INSL6: variants seen among roughly 807,000 people sequenced by gnomAD.
The protein encoded by INSL6 is insulin-like peptide INSL6.
In INSL6, 16 loss-of-function variants were observed where a neutral mutation model predicts 9.4. That is an observed-to-expected ratio of 1.70 (90% confidence interval 1.15 to 2.59). The LOEUF (loss-of-function observed/expected upper bound fraction) is 2.59. INSL6 is among the 30% of genes most tolerant of loss of function. INSL6 has a pLI of 0.00. For synonymous variants in INSL6, 154 were observed against 96.9 expected, an observed-to-expected ratio of 1.59 and a Z score of -3.46; for missense variants, 391 against 257.3, an observed-to-expected ratio of 1.52 and a Z score of -3.56.
chr9:5,078,329 G>C, the INSL6 span: 2 of 1,612,252 alleles, frequency 1.2e-6, no homozygotes, highest in Non-Finnish European at 1.7e-6. Flanking sequence ...TTATTCATGG[G>C]AATGTATGTG....
At chr9:5,128,120 GTT>G (rs1057515599) in intron 3 of INSL6, 2 of 203,640 alleles carry the variant, frequency 9.8e-6, no homozygotes, top group Non-Finnish European at 1.9e-5. Flanking sequence ...GTGTGTGTGT[GTT>G]ATTTATACAA....
chr9:5,024,243 G>A, the INSL6 span, among the ~76,000 whole-genome samples: 7 of 151,996 alleles, frequency 4.6e-5, no homozygotes, highest in Non-Finnish European at 7.4e-5. Flanking sequence ...GCGACAGAGC[G>A]AGACTCCATC....
the INSL6 span, among the ~76,000 whole-genome samples, chr9:5,053,170 A>G: frequency 1.3e-5 from 2 of 151,936 alleles, no homozygotes; most frequent in Non-Finnish European, 2.9e-5. Context: ...TATCCATCCT[A>G]GTGGGTGGAA....
intron 1 of INSL6, among the ~76,000 whole-genome samples, chr9:5,170,113 C>G (rs148015429): frequency 1.3e-5 from 2 of 152,244 alleles, no homozygotes; most frequent in East Asian, 3.9e-4. Context: ...TAAAACACTC[C>G]TCAGCAAATG....
intron 3 of INSL6, chr9:5,127,367 AAGC>A: frequency 4.3e-6 from 1 of 232,096 alleles, no homozygotes; most frequent in Non-Finnish European, 8.6e-6. Flanking sequence ...CCAGCATTAT[AAGC>A]AGGTGTATAC....
the INSL6 span, among the ~76,000 whole-genome samples, chr9:5,083,409 C>A: frequency 6.6e-6 from 1 of 152,156 alleles, no homozygotes; most frequent in Non-Finnish European, 1.5e-5. Context: ...CTAGTAAGTA[C>A]CATGTTAGTG....
At chr9:5,183,711 A>G (rs1825507240) in intron 1 of INSL6, among the ~76,000 whole-genome samples, 1 of 152,180 alleles carries the variant, frequency 6.6e-6, no homozygotes, top group Non-Finnish European at 1.5e-5. Flanking sequence ...CCCAACATAA[A>G]GCAGAAAGGG....
At chr9:5,064,036 A>G in the INSL6 span, among the ~76,000 whole-genome samples, 13 of 152,190 alleles carry the variant, frequency 8.5e-5, no homozygotes, top group South Asian at 1.9e-3. Context: ...TGTGCCTGTA[A>G]TCCCAGCTTT....
downstream of INSL6, among the ~76,000 whole-genome samples, chr9:5,119,161 C>G (rs1193885756): frequency 6.6e-6 from 1 of 152,064 alleles, no homozygotes; most frequent in Non-Finnish European, 1.5e-5. Context: ...TTCATACAAC[C>G]CATTTGGTAA....
At chr9:4,995,486 A>G in the INSL6 span, among the ~76,000 whole-genome samples, 275 of 152,330 alleles carry the variant, frequency 1.8e-3, 1 homozygote, top group African/African-American at 6.4e-3. Context: ...ATGGTTGTCC[A>G]GTTTCAATAC....
the INSL6 span, among the ~76,000 whole-genome samples, chr9:5,072,979 C>G: frequency 6.6e-6 from 1 of 152,064 alleles, no homozygotes; most frequent in Non-Finnish European, 1.5e-5. Context: ...AACCAAGTTT[C>G]AAAGGCACTG....
chr9:5,114,983 C>G, the INSL6 span, among the ~76,000 whole-genome samples: 1 of 152,138 alleles, frequency 6.6e-6, no homozygotes. Flanking sequence ...AAAACCTAGG[C>G]AATACCATTC....
At chr9:5,037,317 G>C in the INSL6 span, among the ~76,000 whole-genome samples, 1 of 152,244 alleles carries the variant, frequency 6.6e-6, no homozygotes, top group East Asian at 1.9e-4. Context: ...CAGGGATCTA[G>C]AACTAGAAAT....
the INSL6 span, among the ~76,000 whole-genome samples, chr9:5,035,279 T>C: frequency 6.6e-6 from 1 of 152,320 alleles, no homozygotes; most frequent in East Asian, 1.9e-4. Context: ...ACCAGATGGA[T>C]TCACAGCTGA....
chr9:5,084,400 C>G, the INSL6 span, among the ~76,000 whole-genome samples: 2 of 152,098 alleles, frequency 1.3e-5, no homozygotes, highest in African/African-American at 4.8e-5. Flanking sequence ...TGCATGTCAC[C>G]TTTCCATTTT....
At chr9:5,175,604 G>C (rs184617012) in intron 1 of INSL6, among the ~76,000 whole-genome samples, 23 of 152,224 alleles carry the variant, frequency 1.5e-4, no homozygotes, top group African/African-American at 3.4e-4. Context: ...GTGGGCAGGC[G>C]AGCGAGCAAA....
At chr9:5,061,744 T>C in the INSL6 span, among the ~76,000 whole-genome samples, 2 of 152,248 alleles carry the variant, frequency 1.3e-5, no homozygotes, top group Admixed American at 6.5e-5. Flanking sequence ...ACTTTTCCTT[T>C]GGATTCATAA....
At chr9:5,181,306 T>C (rs2130922679) in intron 1 of INSL6, among the ~76,000 whole-genome samples, 1 of 151,876 alleles carries the variant, frequency 6.6e-6, no homozygotes, top group Middle Eastern at 3.4e-3. Flanking sequence ...AGTCACAGTA[T>C]CAAAAATAGT....
At chr9:5,072,272 A>G in the INSL6 span, among the ~76,000 whole-genome samples, 3 of 152,324 alleles carry the variant, frequency 2.0e-5, no homozygotes, top group East Asian at 5.8e-4. Context: ...GAGTAGAGCC[A>G]AAATACACTT....
Sources: allele counts gnomAD v4.1 joint callset (sites outside exome capture counted in the v4.1 genomes callset), GRCh38; gene constraint gnomAD v4.1.1; transcripts MANE v1.5; gene names NCBI Gene and HGNC (gene_info 2026-07-23, HGNC 2026-07-21).